The following RBFOX1 variants were observed in gnomAD, a reference collection of about 807,000 sequenced individuals.
RBFOX1 encodes RNA binding protein fox-1 homolog 1.
A neutral mutation model predicts 57.7 loss-of-function variants in RBFOX1; 8 were observed. That is an observed-to-expected ratio of 0.14 (90% CI 0.08 to 0.25). The LOEUF is 0.25. RBFOX1 is among the 10% of genes least tolerant of loss of function. The pLI, the probability that RBFOX1 is intolerant of heterozygous loss-of-function variation, is 1.00. For synonymous variants in RBFOX1, 326 were observed against 222.4 expected (o/e 1.47, Z -4.15); for missense variants, 611 against 548.5 (o/e 1.11, Z -1.14).
At chr16:5,547,561 A>G (rs1486430) in intron 2 of RBFOX1, among the ~76,000 whole-genome samples, 2,644 of 152,312 alleles carry the variant, frequency 0.017, 83 homozygotes, top group African/African-American at 0.059. Flanking sequence ...ATGCAAATCT[A>G]TAGTGACAGA....
chr16:7,355,479 C>G (rs1345627033), intron 4 of RBFOX1, among the ~76,000 whole-genome samples: 3 of 152,170 alleles, frequency 2.0e-5, no homozygotes, highest in Admixed American at 2.0e-4. Context: ...CCCTCCCATA[C>G]TTTTCCTATG....
chr16:6,611,983 T>A (rs1296862160), intron 2 of RBFOX1, among the ~76,000 whole-genome samples: 1 of 150,014 alleles, frequency 6.7e-6, no homozygotes, highest in Non-Finnish European at 1.5e-5. Flanking sequence ...CTTTGGCCTC[T>A]CAGATCTCCC....
intron 3 of RBFOX1, among the ~76,000 whole-genome samples, chr16:7,000,960 T>C (rs552878976): frequency 1.3e-5 from 2 of 152,314 alleles, no homozygotes; most frequent in South Asian, 4.1e-4. Flanking sequence ...CTTTTCTTTA[T>C]TGAAGTCCTT....
In RBFOX1 at chr16:5,337,175, C is replaced by G. The variant is rs74706671; in HGVS notation, c.219+97070C>G. On this transcript the variant is annotated intron_variant, in intron 1 of 2. Transcript: ENST00000585867. ...CACATGGCTCAGGTGACAAAAGAAC[C>G]TCCCCCTCACTGTGGTTTTGGCTTT... Among the ~76,000 whole-genome samples the G allele has an allele frequency of 4.6e-5, 7 of 152,324 alleles. No individual in the cohort carries two copies. In the South Asian group the frequency reaches 1.2e-3, roughly 27 times the overall value.
intron 1 of RBFOX1, among the ~76,000 whole-genome samples, chr16:5,321,377 T>C (rs2064401378): frequency 6.6e-6 from 1 of 151,848 alleles, no homozygotes; most frequent in Non-Finnish European, 1.5e-5. Flanking sequence ...TGGAGTGCAG[T>C]GGCGAAGTCT....
intron 2 of RBFOX1, among the ~76,000 whole-genome samples, chr16:6,578,612 T>G (rs72762915): frequency 1.2e-4 from 17 of 147,096 alleles, no homozygotes; most frequent in Admixed American, 2.7e-4. Flanking sequence ...TGTGTGTGTG[T>G]GAGCATGGGA....
intron 4 of RBFOX1, among the ~76,000 whole-genome samples, chr16:7,094,122 G>A (rs12917899): frequency 0.2 from 30,570 of 150,572 alleles, 4,092 homozygotes; most frequent in Non-Finnish European, 0.28. Flanking sequence ...CATTTTGAGT[G>A]GTGTTTCACT....
intron 11 of RBFOX1, among the ~76,000 whole-genome samples, chr16:7,638,570 T>G (rs191379789): frequency 1.0e-3 from 156 of 152,340 alleles, no homozygotes; most frequent in Non-Finnish European, 1.9e-3. Context: ...GAGAGGCAGT[T>G]TTCCCCTCTT....
At chr16:6,042,053 C>T (rs1376812843) in intron 1 of RBFOX1, among the ~76,000 whole-genome samples, 6 of 151,826 alleles carry the variant, frequency 4.0e-5, no homozygotes, top group African/African-American at 1.5e-4. Flanking sequence ...GCCAGCAATA[C>T]GGGCATTTCT....
chr16:6,939,112 G>A (rs534062254), intron 3 of RBFOX1, among the ~76,000 whole-genome samples: 1 of 152,216 alleles, frequency 6.6e-6, no homozygotes, highest in Admixed American at 6.5e-5. Flanking sequence ...CAGTGGCCCA[G>A]AAAAATTTAG....
chr16:7,076,731 C>T (rs17669255), intron 4 of RBFOX1, among the ~76,000 whole-genome samples: 8,557 of 152,220 alleles, frequency 0.056, 362 homozygotes, highest in East Asian at 0.21. Context: ...AAGATGTTCA[C>T]TCGTAACAGT....
rs1568014716 is a variant in RBFOX1 at position 7,280,945 on chromosome 16, T to TTCCC, written c.27+228849_27+228852dup. 3.6e-4 allele frequency among the ~76,000 whole-genome samples: 47 copies of TTCCC among 130,300 alleles called. 2 individuals carry two copies. Among genetic ancestry groups the TTCCC allele is most frequent in the African/African-American group, 1.1e-3 (39 of 34,228 alleles). The allele number at this position is 130,300 out of a possible 152,430, so 85.5% of individuals were successfully genotyped here. A position where few individuals can be genotyped will look rare whatever the true frequency, so the allele number is the denominator to read the frequency against. On this transcript the variant is annotated intron_variant, in intron 4 of 15. Transcript: ENST00000550418. ...GGCCTCTTGAATCAATTGCATGTGA[T>TTCCC]TCCCTACCTACCTCCCTCCCTCCCT...
chr16:7,202,889 G>T (rs2088959941), intron 4 of RBFOX1, among the ~76,000 whole-genome samples: 1 of 152,144 alleles, frequency 6.6e-6, no homozygotes, highest in South Asian at 2.1e-4. Context: ...CAGCCTCAAA[G>T]AAATGTTCTT....
At chr16:5,289,002 G>T (rs896793628) in intron 1 of RBFOX1, among the ~76,000 whole-genome samples, 3 of 152,178 alleles carry the variant, frequency 2.0e-5, no homozygotes, top group African/African-American at 4.8e-5. Flanking sequence ...GCGCACGCCT[G>T]TAGTCCCACC....
intron 4 of RBFOX1, among the ~76,000 whole-genome samples, chr16:7,341,963 C>T (rs113912272): frequency 6.6e-6 from 1 of 152,142 alleles, no homozygotes; most frequent in East Asian, 1.9e-4. Context: ...CATTCCTTCT[C>T]TTCTGCTCTT....
intron 3 of RBFOX1, among the ~76,000 whole-genome samples, chr16:6,669,997 A>ATG (rs1284279396): frequency 6.6e-6 from 1 of 152,022 alleles, no homozygotes; most frequent in Non-Finnish European, 1.5e-5. Flanking sequence ...AGGAAAATCT[A>ATG]TCTCTGTCTG....
intron 1 of RBFOX1, among the ~76,000 whole-genome samples, chr16:6,141,517 T>C (rs2152701875): frequency 6.6e-6 from 1 of 152,180 alleles, no homozygotes; most frequent in East Asian, 1.9e-4. Context: ...TTTGTTCATA[T>C]ACTGCTCTAA....
intron 2 of RBFOX1, among the ~76,000 whole-genome samples, chr16:5,494,408 A>G (rs1225764874): frequency 1.3e-5 from 2 of 152,238 alleles, no homozygotes; most frequent in Non-Finnish European, 2.9e-5. Context: ...GGTGAGATGC[A>G]TCATGGCTTT....
At chr16:7,580,505 G>A (rs920299947) in intron 6 of RBFOX1, among the ~76,000 whole-genome samples, 11 of 152,044 alleles carry the variant, frequency 7.2e-5, no homozygotes, top group African/African-American at 2.4e-4. Context: ...TGAAGTCTAC[G>A]TTCTTCTGAA....
Sources: gnomAD v4.1 joint callset for allele counts (sites outside exome capture counted in the v4.1 genomes callset) on GRCh38, gnomAD v4.1.1 for gene constraint, MANE v1.5 for transcripts, NCBI Gene and HGNC (gene_info 2026-07-23, HGNC 2026-07-21) for gene names.